Variants in TTI1 observed in about 807,000 individuals in gnomAD.
TTI1 encodes TELO2 interacting protein 1, also known as TELO2-interacting protein 1 homolog.
In TTI1, 52 loss-of-function variants were observed where a neutral mutation model predicts 85.4. The ratio of observed to expected loss-of-function variants is 0.61; its 90% CI spans 0.49 to 0.77. The LOEUF is 0.77. TTI1 is among the 30% of genes least tolerant of loss of function. TTI1 has a pLI of 0.00. For synonymous variants in TTI1, 512 were observed against 503.9 expected (o/e 1.02, Z -0.22); for missense variants, 1,173 against 1,296.0 (o/e 0.91, Z 1.46).
At position 37,995,595 on chromosome 20, in the gene TTI1, T is replaced by G. The variant is rs575105550; in HGVS notation, c.3086+780A>C. 9.8e-5 allele frequency among the ~76,000 whole-genome samples: 15 copies of G among 152,332 alleles called. No individual in the cohort carries two copies. The South Asian group carries it at 3.1e-3, about 32-fold the overall frequency. ...CTACCCTGGGATGGCAGTTCCAGGA[T>G]GCAGGCTGCTCCCACCTGGAAGGAA... On this transcript the variant is annotated intron_variant, in intron 7 of 7. Transcript: ENST00000373447.
intron 1 of TTI1, among the ~76,000 whole-genome samples, chr20:38,016,379 T>C (rs967888004): frequency 6.6e-6 from 1 of 152,220 alleles, no homozygotes; most frequent in African/African-American, 2.4e-5. Context: ...GGCCTAGGGC[T>C]CTCTCTCTTA....
rs373348624 is a variant in TTI1 at position 38,002,674 on chromosome 20, C to T, written c.2606G>A (p.Arg869His). 138 of 1,614,084 alleles carry T rather than the reference C, an allele frequency of 8.5e-5. No individual in the cohort carries two copies. The highest frequency in any genetic ancestry group is 1.1e-4 in the Non-Finnish European group (125 of 1,180,056). Residue 869 changes from arginine (R) to histidine (H), a missense_variant, in exon 4 of 8, where the codon CGC becomes CAC. Arg to His is a conservative substitution (Grantham distance 29, BLOSUM62 0). Transcript: ENST00000373447. ...TTTATCTGACAACAAGTGGATGCAGCGTTCCATCACGTCCATGGCTATTTG... is the reference window on the plus strand; with the variant it reads ...TTTATCTGACAACAAGTGGATGCAGTGTTCCATCACGTCCATGGCTATTTG... ...QIQIAMDVME[R>H]CIHLLSDKNL...
chr20:37,998,485 T>C (rs1031996563), intron 5 of TTI1, among the ~76,000 whole-genome samples: 1 of 151,708 alleles, frequency 6.6e-6, no homozygotes, highest in Non-Finnish European at 1.5e-5. Flanking sequence ...CGCTGTGGTA[T>C]GTATCTCTGC....
chr20:37,986,299 G>A (rs563013595), intron 7 of TTI1, among the ~76,000 whole-genome samples: 1 of 152,294 alleles, frequency 6.6e-6, no homozygotes, highest in African/African-American at 2.4e-5. Flanking sequence ...TACACAGCAT[G>A]AAAATGCTGC....
At position 37,983,315 on chromosome 20, in the gene TTI1, T is replaced by C; in HGVS notation, c.*141A>G. 1.3e-6 allele frequency: 1 copy of C among 766,304 alleles called. No homozygotes were observed. Among genetic ancestry groups the C allele is most frequent in the Non-Finnish European group, 2.0e-6 (1 of 492,506 alleles). The allele number at this position is 766,304 out of a possible 1,614,324, so 47.5% of individuals were successfully genotyped here. On this transcript the variant is annotated 3_prime_UTR_variant, in exon 8 of 8. Coordinates refer to ENST00000373447, the MANE Select transcript of TTI1 (RefSeq NM_001303457.2). Reference sequence around the variant, plus strand: ...AATCCATTTCTAAGCAGTTGTGTGATCGATCAATTTATAAATCGATTGGCT... The same window carrying C: ...AATCCATTTCTAAGCAGTTGTGTGACCGATCAATTTATAAATCGATTGGCT...
At chr20:37,992,221 A>G (rs1016382185) in intron 7 of TTI1, among the ~76,000 whole-genome samples, 3 of 152,086 alleles carry the variant, frequency 2.0e-5, no homozygotes, top group African/African-American at 7.2e-5. Flanking sequence ...GGTGGAGGCC[A>G]AGCATCCTAA....
In TTI1 at chr20:37,999,293, A is replaced by G; in HGVS notation, c.2688T>C (p.Leu896=). Residue 896 remains leucine, a synonymous_variant, in exon 5 of 8, where the codon CTT becomes CTC. Transcript: ENST00000373447. ...GAAGCAGCTGGTTTTTGTGGGACTGAAGAACAACCACACACAGATCCAGCA... is the reference window on the plus strand; with the variant it reads ...GAAGCAGCTGGTTTTTGTGGGACTGGAGAACAACCACACACAGATCCAGCA... ...LDVLDLCVVV[L]QSHKNQLLPL... 2 of 1,512,414 alleles carry G rather than the reference A, an allele frequency of 1.3e-6. No homozygotes were observed. Among genetic ancestry groups the G allele is most frequent in the Non-Finnish European group, 1.8e-6 (2 of 1,126,942 alleles). 93.7% of individuals were successfully genotyped at this position (1,512,414 alleles called of 1,614,324 possible).
chr20:37,985,237 C>T (rs1225463328), intron 7 of TTI1, among the ~76,000 whole-genome samples: 1 of 152,200 alleles, frequency 6.6e-6, no homozygotes, highest in Non-Finnish European at 1.5e-5. Flanking sequence ...GCACGTGATC[C>T]CTATTTACCA....
chr20:38,003,561 T>C (rs1045064910), intron 3 of TTI1, among the ~76,000 whole-genome samples: 1 of 152,144 alleles, frequency 6.6e-6, no homozygotes, highest in Admixed American at 6.5e-5. Context: ...GAGACCAGCC[T>C]GACCAACATG....
At chr20:37,989,629 G>A (rs2073235846) in intron 7 of TTI1, among the ~76,000 whole-genome samples, 1 of 152,222 alleles carries the variant, frequency 6.6e-6, no homozygotes, top group African/African-American at 2.4e-5. Context: ...TTTCAAAGTG[G>A]CATTCTGTGC....
At position 37,983,517 on chromosome 20, in the gene TTI1, G is replaced by T; in HGVS notation, c.3209C>A (p.Ala1070Asp). 6.2e-7 allele frequency: 1 copy of T among 1,611,616 alleles called. No individual in the cohort carries two copies. Among genetic ancestry groups the T allele is most frequent in the Non-Finnish European group, 8.5e-7 (1 of 1,179,562 alleles). The change falls in exon 8 of 8, where the codon GCC becomes GAC. Residue 1070 changes from alanine (A) to aspartate (D), a missense_variant. Transcript: ENST00000373447. ...PSLHPVQLHGASGQQNPYTTN... is the reference protein window; with the variant it reads ...PSLHPVQLHGDSGQQNPYTTN... The stretch of plus-strand genomic sequence containing the variant: ...CGTGTAGGGGTTCTGCTGCCCGCTG[G>T]CCCCGTGCAGCTGCACAGGGTGGAG...
In TTI1 at chr20:38,002,656, GA is replaced by G; in HGVS notation, c.2623del (p.Ser875GlnfsTer9). 1 of 1,614,200 alleles carries G rather than the reference GA, an allele frequency of 6.2e-7. No individual in the cohort carries two copies. Among genetic ancestry groups the G allele is most frequent in the Non-Finnish European group, 8.5e-7 (1 of 1,180,036 alleles). On this transcript the variant is annotated frameshift_variant, in exon 4 of 8. Coordinates refer to ENST00000373447, the MANE Select transcript of TTI1 (RefSeq NM_001303457.2). LOFTEE classifies it high-confidence loss of function. ...DVMERCIHLL[S>X]DKNLQIRLKV... The stretch of plus-strand genomic sequence containing the variant: ...CAGGCGGATTTGCAGATTTTTATCT[GA>G]CAACAAGTGGATGCAGCGTTCCATC...
chr20:38,023,284 G>C (rs780948042), intron 1 of TTI1, among the ~76,000 whole-genome samples: 3 of 152,178 alleles, frequency 2.0e-5, no homozygotes, highest in African/African-American at 4.8e-5. Flanking sequence ...CACTATACCA[G>C]AGGTTCCCAA....
chr20:37,983,144 C>A lies in TTI1; in HGVS notation c.*312G>T. The A allele has an allele frequency of 4.0e-6, 1 of 253,114 alleles. No homozygotes were observed. The highest frequency in any genetic ancestry group is 7.7e-6 in the Non-Finnish European group (1 of 129,978). The allele number at this position is 253,114 out of a possible 1,614,324, so 15.7% of individuals were successfully genotyped here. On this transcript the variant is annotated 3_prime_UTR_variant, in exon 8 of 8. Coordinates refer to ENST00000373447, the MANE Select transcript of TTI1 (RefSeq NM_001303457.2). ...GTGTATGCAGATGGAGGGGAACTGA[C>A]CTCTTGTGTGTGTGTGTGTGTGGCC...
At chr20:38,007,604 C>A (rs1468151182) in intron 2 of TTI1, among the ~76,000 whole-genome samples, 1 of 152,226 alleles carries the variant, frequency 6.6e-6, no homozygotes, top group Non-Finnish European at 1.5e-5. Context: ...ACAACAACAA[C>A]AACAAATCCC....
intron 4 of TTI1, among the ~76,000 whole-genome samples, chr20:38,002,044 G>C (rs1328549143): frequency 1.3e-5 from 2 of 152,030 alleles, no homozygotes; most frequent in Admixed American, 6.5e-5. Context: ...CTCCTGCTTG[G>C]GGGTAGAGAG....
chr20:38,015,379 C>T (rs944075065), intron 1 of TTI1, among the ~76,000 whole-genome samples: 11 of 152,148 alleles, frequency 7.2e-5, no homozygotes, highest in African/African-American at 2.4e-4. Flanking sequence ...CTATCTCAGG[C>T]TAGAAAAATG....
chr20:37,987,060 C>T (rs536266493), intron 7 of TTI1: 8 of 418,874 alleles, frequency 1.9e-5, no homozygotes, highest in Middle Eastern at 3.6e-4. Context: ...GCTCTCACTC[C>T]GAGAGGCAGG....
Position 38,023,414 on chromosome 20 carries a change from T to C in TTI1, c.-41-9557A>G, listed in dbSNP as rs1332729296. ...AGCAGATATGCTTGGGAATCTACAA[T>C]TTTAAAACTTTGCAAGGTCAGTCCC... On this transcript the variant is annotated intron_variant, in intron 1 of 7. Transcript: ENST00000373447. 3.9e-5 allele frequency among the ~76,000 whole-genome samples: 6 copies of C among 152,230 alleles called. No individual in the cohort carries two copies. In the East Asian group the frequency reaches 1.2e-3, roughly 29 times the overall value.
Sources: allele counts gnomAD v4.1 joint callset (sites outside exome capture counted in the v4.1 genomes callset), GRCh38; gene constraint gnomAD v4.1.1; transcripts MANE v1.5; gene names NCBI Gene and HGNC (gene_info 2026-07-23, HGNC 2026-07-21).